FGF12: variants seen among roughly 807,000 people sequenced by gnomAD.
FGF12 encodes the protein fibroblast growth factor 12B.
Under a neutral mutation model 23.6 loss-of-function variants are expected in FGF12, and 14 were observed. The observed-to-expected ratio is 0.59, with a 90% confidence interval of 0.39 to 0.93. FGF12 has a LOEUF of 0.93. FGF12 is among the 40% of genes least tolerant of loss of function. FGF12 has a pLI of 0.00. For missense variants in FGF12, 175 were observed against 217.8 expected, an observed-to-expected ratio of 0.80 and a Z score of 1.24; for synonymous variants, 62 against 77.3, an observed-to-expected ratio of 0.80 and a Z score of 1.04.
intron 2 of FGF12, among the ~76,000 whole-genome samples, chr3:192,605,584 CA>C (rs1714306901): frequency 6.6e-6 from 1 of 152,072 alleles, no homozygotes; most frequent in Non-Finnish European, 1.5e-5. Flanking sequence ...AAAATATTCA[CA>C]ACTTATGCAT....
At chr3:192,524,522 A>G (rs1007147033) in intron 2 of FGF12, among the ~76,000 whole-genome samples, 3 of 152,238 alleles carry the variant, frequency 2.0e-5, no homozygotes, top group Non-Finnish European at 4.4e-5. Flanking sequence ...GGTTAACTGG[A>G]GATGTTCATT....
At chr3:192,415,810 GCAAA>G (rs1721336185) in intron 2 of FGF12, among the ~76,000 whole-genome samples, 1 of 137,716 alleles carries the variant, frequency 7.3e-6, no homozygotes, top group South Asian at 2.4e-4. Context: ...ATATAATAAG[GCAAA>G]CAGAGAGCCA....
chr3:192,155,377 T>C (rs1365225406), intron 5 of FGF12, among the ~76,000 whole-genome samples: 1 of 152,210 alleles, frequency 6.6e-6, no homozygotes, highest in East Asian at 1.9e-4. Context: ...GCAAACACAA[T>C]CACAATTTCG....
At chr3:192,677,383 TTG>T in intron 2 of FGF12, among the ~76,000 whole-genome samples, 1 of 152,256 alleles carries the variant, frequency 6.6e-6, no homozygotes, top group South Asian at 2.1e-4. Flanking sequence ...ACTCCTGAGG[TTG>T]TGTCAGGCAA....
intron 2 of FGF12, among the ~76,000 whole-genome samples, chr3:192,650,456 T>G (rs1425226798): frequency 6.6e-6 from 1 of 152,178 alleles, no homozygotes; most frequent in Non-Finnish European, 1.5e-5. Context: ...TGAAAGACAG[T>G]TCCCATCTGT....
intron 2 of FGF12, among the ~76,000 whole-genome samples, chr3:192,445,262 C>T (rs7653308): frequency 0.26 from 40,148 of 152,116 alleles, 9,800 homozygotes; most frequent in African/African-American, 0.65. Flanking sequence ...CCCTACCCAA[C>T]ATCAACTGAA....
At chr3:192,637,101 T>C (rs924711451) in intron 2 of FGF12, among the ~76,000 whole-genome samples, 1 of 152,212 alleles carries the variant, frequency 6.6e-6, no homozygotes, top group Non-Finnish European at 1.5e-5. Context: ...CTTCCTTTTA[T>C]AGCGTCTCTC....
At chr3:192,400,545 T>A (rs1720718745) in intron 2 of FGF12, among the ~76,000 whole-genome samples, 1 of 152,000 alleles carries the variant, frequency 6.6e-6, no homozygotes, top group African/African-American at 2.4e-5. Context: ...ATTTTTGTAT[T>A]TTTAATAGAG....
chr3:192,385,523 A>C (rs1720001216), intron 2 of FGF12, among the ~76,000 whole-genome samples: 1 of 152,134 alleles, frequency 6.6e-6, no homozygotes, highest in African/African-American at 2.4e-5. Context: ...CTCAGATCTG[A>C]TCTTTCACAA....
intron 4 of FGF12, among the ~76,000 whole-genome samples, chr3:192,334,666 C>G (rs1717302208): frequency 6.6e-6 from 1 of 152,028 alleles, no homozygotes; most frequent in Admixed American, 6.6e-5. Context: ...TGATGGCTAC[C>G]TAATTTTGCC....
At chr3:192,465,885 C>A (rs918441289) in intron 2 of FGF12, among the ~76,000 whole-genome samples, 1 of 152,232 alleles carries the variant, frequency 6.6e-6, no homozygotes, top group Non-Finnish European at 1.5e-5. Context: ...TCTCTACAGT[C>A]TCTGAGTATC....
chr3:192,546,114 G>C (rs1050694734), intron 2 of FGF12, among the ~76,000 whole-genome samples: 1 of 152,156 alleles, frequency 6.6e-6, no homozygotes, highest in Admixed American at 6.6e-5. Flanking sequence ...TTTGAGTCTG[G>C]ACAACTTTGA....
At chr3:192,540,399 T>C (rs950625899) in intron 2 of FGF12, among the ~76,000 whole-genome samples, 1 of 152,108 alleles carries the variant, frequency 6.6e-6, no homozygotes, top group African/African-American at 2.4e-5. Context: ...CTTTGGCCCA[T>C]TGGTCATTAA....
intron 2 of FGF12, among the ~76,000 whole-genome samples, chr3:192,528,819 G>C (rs533928091): frequency 1.3e-4 from 20 of 152,274 alleles, no homozygotes; most frequent in African/African-American, 4.8e-4. Flanking sequence ...GTCATGGCCA[G>C]AGCTGTACAT....
chr3:192,477,224 A>G (rs1002196188), intron 2 of FGF12, among the ~76,000 whole-genome samples: 1 of 152,150 alleles, frequency 6.6e-6, no homozygotes, highest in African/African-American at 2.4e-5. Context: ...AGGAATAAAG[A>G]CTGACTTTGC....
intron 2 of FGF12, among the ~76,000 whole-genome samples, chr3:192,421,819 TAA>T (rs74360183): frequency 1.4e-5 from 2 of 144,994 alleles, no homozygotes; most frequent in African/African-American, 2.5e-5. Flanking sequence ...TAAAGTATAA[TAA>T]AAAAAAAAAG....
At chr3:192,457,361 G>A (rs1041686304) in intron 2 of FGF12, among the ~76,000 whole-genome samples, 14 of 152,138 alleles carry the variant, frequency 9.2e-5, no homozygotes, top group Non-Finnish European at 1.8e-4. Flanking sequence ...AGGAAAATGT[G>A]GAAAAGTTTG....
At chr3:192,319,536 G>A (rs1272689743) in intron 4 of FGF12, among the ~76,000 whole-genome samples, 2 of 152,152 alleles carry the variant, frequency 1.3e-5, no homozygotes, top group African/African-American at 4.8e-5. Context: ...GGCGGAGGTT[G>A]CAGTGAGCTG....
At chr3:192,725,679 T>C (rs1407317350) in intron 2 of FGF12, among the ~76,000 whole-genome samples, 1 of 152,172 alleles carries the variant, frequency 6.6e-6, no homozygotes, top group African/African-American at 2.4e-5. Context: ...CTTTGTCAAA[T>C]AACTAAATTT....
Sources: allele counts gnomAD v4.1 joint callset (sites outside exome capture counted in the v4.1 genomes callset), GRCh38; gene constraint gnomAD v4.1.1; transcripts MANE v1.5; gene names NCBI Gene and HGNC (gene_info 2026-07-23, HGNC 2026-07-21).